Variants in LIN7A observed in about 807,000 individuals in gnomAD.
LIN7A encodes protein lin-7 homolog A.
Under a neutral mutation model 29.8 loss-of-function variants are expected in LIN7A, and 25 were observed. The ratio of observed to expected loss-of-function variants is 0.84; its 90% CI spans 0.61 to 1.17. The LOEUF is 1.17. LIN7A is among the 50% of genes most tolerant of loss of function. The pLI is 0.00. For missense variants in LIN7A, 239 were observed against 287.0 expected (o/e 0.83, Z 1.21); for synonymous variants, 118 against 107.5 (o/e 1.10, Z -0.60).
chr12:80,808,899 A>G (rs1482786077), intron 5 of LIN7A, among the ~76,000 whole-genome samples: 2 of 152,172 alleles, frequency 1.3e-5, no homozygotes, highest in African/African-American at 4.8e-5. Flanking sequence ...TGAAAGATAG[A>G]TAGATTGTTG....
At chr12:80,844,554 C>T (rs12314357) in intron 4 of LIN7A, among the ~76,000 whole-genome samples, 93 of 152,112 alleles carry the variant, frequency 6.1e-4, no homozygotes, top group African/African-American at 1.9e-3. Context: ...TAACTGAAAT[C>T]GAGTTTATAT....
At chr12:80,870,661 G>T (rs1382908444) in intron 2 of LIN7A, among the ~76,000 whole-genome samples, 1 of 152,130 alleles carries the variant, frequency 6.6e-6, no homozygotes, top group East Asian at 1.9e-4. Context: ...ATTACTGGGA[G>T]ACCACAAAGG....
rs927905723 is a variant in LIN7A, at chr12:80,831,065, A to G, written c.483+14665T>C. On this transcript the variant is annotated intron_variant, in intron 4 of 5. Transcript: ENST00000552864. ...TGCCATACTAGAATGTGAACTCCAC[A>G]AAGGTAAGGACTTTTTTGTCTCTTT... Among the ~76,000 whole-genome samples the G allele has an allele frequency of 5.9e-5, 9 of 152,314 alleles. No individual in the cohort carries two copies. In the East Asian group the frequency reaches 1.5e-3, roughly 26 times the overall value.
At position 80,906,016 on chromosome 12, in the gene LIN7A, C is replaced by T. The variant is rs539274433; in HGVS notation, c.83-16647G>A. The stretch of plus-strand genomic sequence containing the variant: ...ATAAAGATGGGAAGTCCTCAAAGAG[C>T]TAGTATTTTTTTGTTTTTATTTAAT... On this transcript the variant is annotated intron_variant, in intron 1 of 5. Transcript: ENST00000552864. 2.0e-5 allele frequency among the ~76,000 whole-genome samples: 3 copies of T among 152,102 alleles called. No homozygotes were observed. The East Asian group carries it at 5.8e-4, about 29-fold the overall frequency.
At chr12:80,859,150 T>G (rs548047142) in intron 2 of LIN7A, among the ~76,000 whole-genome samples, 1 of 152,176 alleles carries the variant, frequency 6.6e-6, no homozygotes, top group Non-Finnish European at 1.5e-5. Context: ...CATATAATAT[T>G]TGACACACCG....
chr12:80,814,980 T>C (rs996381553), intron 4 of LIN7A, among the ~76,000 whole-genome samples: 10 of 152,212 alleles, frequency 6.6e-5, no homozygotes, highest in African/African-American at 2.4e-4. Flanking sequence ...ACAAATTATA[T>C]AATTAAGCAG....
At chr12:80,820,328 G>T (rs1180631208) in intron 4 of LIN7A, among the ~76,000 whole-genome samples, 1 of 152,174 alleles carries the variant, frequency 6.6e-6, no homozygotes, top group African/African-American at 2.4e-5. Context: ...AGAGCAGTTA[G>T]AAATAGAAGA....
Position 80,796,426 on chromosome 12 carries a change from G to A in LIN7A, c.*1301C>T, listed in dbSNP as rs1454302877. 6.6e-6 allele frequency: 1 copy of A among 152,060 alleles called. No individual in the cohort carries two copies. Among genetic ancestry groups the A allele is most frequent in the Admixed American group, 6.6e-5 (1 of 15,246 alleles). The allele number at this position is 152,060 out of a possible 1,614,324, so 9.4% of individuals were successfully genotyped here. Reference sequence around the variant, plus strand: ...TACCATAAACCAAAAATTATGACCTGTAAATGTAGTTATAACAGATTATTT... The same window carrying A: ...TACCATAAACCAAAAATTATGACCTATAAATGTAGTTATAACAGATTATTT... On this transcript the variant is annotated 3_prime_UTR_variant, in exon 6 of 6. Transcript: ENST00000552864.
rs1417222484 is a variant in LIN7A at position 80,797,183 on chromosome 12, T to TA, written c.*543dup. 1 of 152,168 alleles carries TA rather than the reference T, an allele frequency of 6.6e-6. No homozygotes were observed. The highest frequency in any genetic ancestry group is 1.5e-5 in the Non-Finnish European group (1 of 68,046). 9.4% of individuals were successfully genotyped at this position (152,168 alleles called of 1,614,324 possible). ...GAACCTGAAGAAAATATAAATATAG[T>TA]ATGATACCTTGCGATTTTCAAGAGG... is the stretch of plus-strand genomic sequence containing the variant. On this transcript the variant is annotated 3_prime_UTR_variant, in exon 6 of 6. Coordinates refer to ENST00000552864, the MANE Select transcript of LIN7A (RefSeq NM_004664.4).
At chr12:80,806,005 G>C (rs1415556512) in intron 5 of LIN7A, among the ~76,000 whole-genome samples, 1 of 151,226 alleles carries the variant, frequency 6.6e-6, no homozygotes, top group East Asian at 1.9e-4. Context: ...TTGAACCCAG[G>C]AGGCAGAGGT....
At chr12:80,848,404 T>A (rs1873178294) in intron 2 of LIN7A, 82 bp from the exon 3 acceptor site, 1 of 1,067,652 alleles carries the variant, frequency 9.4e-7, no homozygotes, top group Non-Finnish European at 1.4e-6. Context: ...AATTATATTT[T>A]CACTGTAGGA....
chr12:80,842,066 A>G, intron 4 of LIN7A: 1 of 1,285,606 alleles, frequency 7.8e-7, no homozygotes, highest in East Asian at 5.6e-5. Context: ...GATAGAAAAA[A>G]TTTTCTCTCC....
intron 1 of LIN7A, among the ~76,000 whole-genome samples, chr12:80,908,830 T>A (rs920722938): frequency 2.0e-5 from 3 of 152,200 alleles, no homozygotes; most frequent in African/African-American, 7.2e-5. Flanking sequence ...CGTTTTTTTT[T>A]AAAAGTTGGT....
chr12:80,854,363 G>A (rs951197613), intron 2 of LIN7A, among the ~76,000 whole-genome samples: 22 of 151,782 alleles, frequency 1.4e-4, no homozygotes, highest in East Asian at 9.7e-4. Context: ...TCACTTGAGC[G>A]CAGGTATTCT....
intron 2 of LIN7A, among the ~76,000 whole-genome samples, chr12:80,886,149 T>G (rs928137634): frequency 3.9e-5 from 6 of 151,974 alleles, no homozygotes; most frequent in African/African-American, 1.2e-4. Context: ...TCTGAAAAAC[T>G]CAGATAACCA....
intron 2 of LIN7A, among the ~76,000 whole-genome samples, chr12:80,859,945 G>A (rs1429374054): frequency 2.0e-5 from 3 of 151,790 alleles, no homozygotes; most frequent in African/African-American, 7.3e-5. Flanking sequence ...TACACTATTT[G>A]GAAATTATGA....
intron 1 of LIN7A, 189 bp downstream of exon 1, chr12:80,937,452 G>T (rs1256872845): frequency 9.7e-6 from 4 of 413,118 alleles, no homozygotes; most frequent in Admixed American, 8.8e-5. Flanking sequence ...GGAAGGGGCA[G>T]CGGGAACGTA....
chr12:80,869,636 T>A (rs1874324009), intron 2 of LIN7A, among the ~76,000 whole-genome samples: 1 of 152,200 alleles, frequency 6.6e-6, no homozygotes, highest in Non-Finnish European at 1.5e-5. Flanking sequence ...TGGAATAACA[T>A]GTATTTTTGA....
At chr12:80,849,197 C>G (rs1176868372) in intron 2 of LIN7A, among the ~76,000 whole-genome samples, 1 of 152,114 alleles carries the variant, frequency 6.6e-6, no homozygotes. Context: ...TATGGGAAAT[C>G]TGAATGGAGA....
Sources: allele counts gnomAD v4.1 joint callset (sites outside exome capture counted in the v4.1 genomes callset), GRCh38; gene constraint gnomAD v4.1.1; transcripts MANE v1.5; gene names NCBI Gene and HGNC (gene_info 2026-07-23, HGNC 2026-07-21).